The following KLF8 variants were observed in gnomAD, a reference collection of about 807,000 sequenced individuals.
KLF8 encodes Krueppel-like factor 8.
KLF8 carries 10 observed loss-of-function variants against 18.2 expected under a neutral mutation model. That is an observed-to-expected ratio of 0.55 (90% CI 0.34 to 0.93). The LOEUF (loss-of-function observed/expected upper bound fraction) is 0.93, where lower values mean the gene tolerates loss of function less well. Ranked by LOEUF, KLF8 falls within the 40% of genes least tolerant of loss-of-function variation. The probability of loss-of-function intolerance (pLI) is 0.02; values close to 1 mark genes in which losing one functional copy is unlikely to be tolerated. For synonymous variants in KLF8, 109 were observed against 97.3 expected, an observed-to-expected ratio of 1.12 and a Z score of -0.71; for missense variants, 264 against 277.9, an observed-to-expected ratio of 0.95 and a Z score of 0.36.
chrX:56,003,974 C>T, the KLF8 span, among the ~76,000 whole-genome samples: 1 of 112,329 alleles, frequency 8.9e-6, no homozygotes, highest in Admixed American at 9.5e-5. Context: ...GCTTATCTTG[C>T]TCTGAATATA....
the KLF8 span, among the ~76,000 whole-genome samples, chrX:56,036,032 C>T: frequency 1.8e-5 from 2 of 112,007 alleles, no homozygotes; most frequent in South Asian, 7.4e-4. Context: ...ATGCTTCCAG[C>T]TTTGTTGTTA....
the KLF8 span, among the ~76,000 whole-genome samples, chrX:56,060,112 T>C: frequency 8.9e-6 from 1 of 111,757 alleles, no homozygotes; most frequent in African/African-American, 3.3e-5. Context: ...TTTCTAAATA[T>C]ACAATCATGT....
chrX:56,265,494 A>C lies in KLF8; in HGVS notation c.396A>C (p.Ser132=). The C allele has an allele frequency of 8.3e-7, 1 of 1,212,011 alleles. No homozygotes were observed. The highest frequency in any genetic ancestry group is 1.1e-6 in the Non-Finnish European group (1 of 895,565). Residue 132 remains serine (S), a synonymous_variant, in exon 3 of 6, where the codon TCA becomes TCC. Coordinates refer to ENST00000468660, the MANE Select transcript of KLF8 (RefSeq NM_007250.5). The part of the protein sequence containing the change: ...VSTSTSDMST[S]ANIPTVLTPG... ...CGTCAACATCTGACATGAGCACTTC[A>C]GCAAACATTCCTACTGTTCTGACCC...
intron 1 of KLF8, among the ~76,000 whole-genome samples, chrX:56,242,274 C>T (rs987308744): frequency 1.8e-5 from 2 of 112,052 alleles, no homozygotes; most frequent in East Asian, 2.8e-4. Flanking sequence ...GGAGGCTATG[C>T]AGGTGATATT....
chrX:56,093,905 A>G, the KLF8 span, among the ~76,000 whole-genome samples: 107 of 89,004 alleles, frequency 1.2e-3, no homozygotes, highest in African/African-American at 3.3e-3. Flanking sequence ...TATATATTAT[A>G]TGTGTGTGTG....
the KLF8 span, chrX:55,961,852 C>A: frequency 1.6e-5 from 4 of 257,340 alleles, no homozygotes; most frequent in Non-Finnish European, 2.9e-5. Flanking sequence ...GGGAGTGGAA[C>A]CTCGTCTAGA....
At chrX:56,212,010 G>C in the KLF8 span, among the ~76,000 whole-genome samples, 18 of 111,205 alleles carry the variant, frequency 1.6e-4, no homozygotes, top group Non-Finnish European at 2.6e-4. Flanking sequence ...AGGGCCCAAG[G>C]GTACTTCATT....
At chrX:56,263,095 G>GA (rs2066908046) in intron 2 of KLF8, among the ~76,000 whole-genome samples, 1 of 112,010 alleles carries the variant, frequency 8.9e-6, no homozygotes, top group Admixed American at 9.5e-5. Context: ...GGAAATGTAG[G>GA]AAAAATAAGA....
chrX:56,060,023 C>T, the KLF8 span, among the ~76,000 whole-genome samples: 2 of 111,160 alleles, frequency 1.8e-5, no homozygotes, highest in Non-Finnish European at 3.8e-5. Flanking sequence ...TCCTCCCTTA[C>T]TTCCTTGAGC....
At chrX:56,010,144 C>T in the KLF8 span, among the ~76,000 whole-genome samples, 1 of 110,919 alleles carries the variant, frequency 9.0e-6, no homozygotes, top group Non-Finnish European at 1.9e-5. Context: ...AGATCAACCC[C>T]AAGACACATA....
chrX:55,982,118 G>T, the KLF8 span, among the ~76,000 whole-genome samples: 1 of 111,236 alleles, frequency 9.0e-6, no homozygotes, highest in Admixed American at 9.6e-5. Context: ...AGGAAAGCAA[G>T]CAGGGATTCA....
the KLF8 span, among the ~76,000 whole-genome samples, chrX:55,950,584 C>A: frequency 9.0e-6 from 1 of 111,346 alleles, no homozygotes; most frequent in Non-Finnish European, 1.9e-5. Flanking sequence ...CATGAACGCT[C>A]TTTGCACAGT....
chrX:56,174,749 T>C, the KLF8 span, among the ~76,000 whole-genome samples: 1 of 111,853 alleles, frequency 8.9e-6, no homozygotes, highest in African/African-American at 3.3e-5. Flanking sequence ...GTTGCTAGGC[T>C]ATTAATTATT....
At chrX:55,962,459 G>A in the KLF8 span, 3 of 229,551 alleles carry the variant, frequency 1.3e-5, no homozygotes, top group South Asian at 6.1e-5. Context: ...CCTTGCCCAT[G>A]CCTTTCATCA....
At chrX:56,082,604 C>T in the KLF8 span, among the ~76,000 whole-genome samples, 1 of 109,405 alleles carries the variant, frequency 9.1e-6, no homozygotes, top group Non-Finnish European at 1.9e-5. Context: ...CTATAAATTG[C>T]CCTTTTATCA....
chrX:55,983,015 A>C, the KLF8 span, among the ~76,000 whole-genome samples: 1 of 111,787 alleles, frequency 8.9e-6, no homozygotes, highest in East Asian at 2.8e-4. Flanking sequence ...TCAACGTGGA[A>C]ATCTATGTTG....
the KLF8 span, among the ~76,000 whole-genome samples, chrX:55,945,948 A>C: frequency 3.0e-4 from 33 of 111,243 alleles, no homozygotes; most frequent in South Asian, 0.012. Flanking sequence ...GGACCTCTTC[A>C]AGGAGAACTA....
the KLF8 span, among the ~76,000 whole-genome samples, chrX:55,987,646 T>A: frequency 8.9e-6 from 1 of 112,235 alleles, no homozygotes; most frequent in African/African-American, 3.2e-5. Context: ...TTGTGAATAG[T>A]GCCGCAATAA....
At chrX:56,034,943 G>C in the KLF8 span, among the ~76,000 whole-genome samples, 1 of 107,330 alleles carries the variant, frequency 9.3e-6, no homozygotes, top group Non-Finnish European at 1.9e-5. Context: ...TTTTAGTAGA[G>C]ACGGGGTTTC....
Sources: gnomAD v4.1 joint callset for allele counts (sites outside exome capture counted in the v4.1 genomes callset) on GRCh38, gnomAD v4.1.1 for gene constraint, MANE v1.5 for transcripts, NCBI Gene and HGNC (gene_info 2026-07-23, HGNC 2026-07-21) for gene names.